The following RIN2 variants were observed in gnomAD, a reference collection of about 807,000 sequenced individuals.
The protein encoded by RIN2 is Ras and Rab interactor 2, also known as RAB5 interacting protein 2.
In RIN2, 36 loss-of-function variants were observed where a neutral mutation model predicts 78.0. That is an observed-to-expected ratio of 0.46 (90% CI 0.35 to 0.61). RIN2 has a LOEUF of 0.61. RIN2 is among the 20% of genes least tolerant of loss of function. The pLI, the probability that RIN2 is intolerant of heterozygous loss-of-function variation, is 0.00. For synonymous variants in RIN2, 466 were observed against 466.8 expected, an observed-to-expected ratio of 1.00 and a Z score of 0.02; for missense variants, 1,087 against 1,159.7, an observed-to-expected ratio of 0.94 and a Z score of 0.91.
intron 6 of RIN2, among the ~76,000 whole-genome samples, chr20:19,962,600 G>A (rs1389855566): frequency 1.3e-5 from 2 of 152,202 alleles, no homozygotes; most frequent in African/African-American, 4.8e-5. Flanking sequence ...CATTAGCCTG[G>A]TCATAACTAG....
intron 2 of RIN2, among the ~76,000 whole-genome samples, chr20:19,850,498 C>T (rs1281951871): frequency 1.3e-5 from 2 of 152,222 alleles, no homozygotes; most frequent in African/African-American, 2.4e-5. Flanking sequence ...GTCTTCTTAC[C>T]TTCTGTTTGT....
intron 3 of RIN2, among the ~76,000 whole-genome samples, chr20:19,892,354 T>G (rs933421946): frequency 1.3e-5 from 2 of 152,124 alleles, no homozygotes; most frequent in Admixed American, 6.5e-5. Context: ...CAGCTGGGAT[T>G]ACAGGTGCCT....
At chr20:19,838,770 T>C (rs2036494053) in intron 2 of RIN2, among the ~76,000 whole-genome samples, 1 of 152,184 alleles carries the variant, frequency 6.6e-6, no homozygotes, top group Non-Finnish European at 1.5e-5. Flanking sequence ...GGCAAGTCTC[T>C]GCACACCTGC....
rs113104578 is a variant in RIN2 at position 19,953,966 on chromosome 20, G to C, written c.159-2649G>C. 6.6e-5 allele frequency among the ~76,000 whole-genome samples: 10 copies of C among 152,340 alleles called. No homozygotes were observed. In the Middle Eastern group the frequency reaches 0.01, roughly 155 times the overall value. On this transcript the variant is annotated intron_variant, in intron 4 of 12. Transcript: ENST00000255006. ...AAATTTGTAGCAGAAGTTGAGCAAA[G>C]CTTTCACATATTTGAGAAGAAATAA...
At chr20:19,949,913 C>T (rs1375532468) in intron 4 of RIN2, among the ~76,000 whole-genome samples, 2 of 152,190 alleles carry the variant, frequency 1.3e-5, no homozygotes, top group South Asian at 2.1e-4. Flanking sequence ...GTAAAACTAA[C>T]CCTTGTCTGC....
At chr20:19,906,625 C>T (rs948982914) in intron 3 of RIN2, among the ~76,000 whole-genome samples, 8 of 152,128 alleles carry the variant, frequency 5.3e-5, no homozygotes, top group African/African-American at 1.4e-4. Context: ...GTGGGGTCTG[C>T]GGCCATCTGG....
chr20:19,814,528 C>T (rs1192118906), intron 2 of RIN2, among the ~76,000 whole-genome samples: 2 of 152,228 alleles, frequency 1.3e-5, no homozygotes, highest in Non-Finnish European at 2.9e-5. Context: ...CACAACATCT[C>T]ACCCCAGATG....
intron 1 of RIN2, among the ~76,000 whole-genome samples, chr20:19,787,854 C>A (rs1260688468): frequency 6.6e-6 from 1 of 152,128 alleles, no homozygotes; most frequent in African/African-American, 2.4e-5. Flanking sequence ...TGCTTACTGG[C>A]AACCATGTTA....
At chr20:19,788,437 A>AAAAAAAAAAAACAAAAACAAC (rs2034764508) in intron 1 of RIN2, among the ~76,000 whole-genome samples, 1 of 147,064 alleles carries the variant, frequency 6.8e-6, no homozygotes, top group African/African-American at 2.6e-5. Context: ...TCTGCCAAAA[A>AAAAAAAAAAAACAAAAACAAC]AAAAAAAAAA....
intron 3 of RIN2, among the ~76,000 whole-genome samples, chr20:19,929,553 GAT>G (rs1568622132): frequency 6.6e-6 from 1 of 152,060 alleles, no homozygotes; most frequent in East Asian, 1.9e-4. Context: ...GTAGAGATGG[GAT>G]TTTATCATGT....
intron 3 of RIN2, among the ~76,000 whole-genome samples, chr20:19,893,043 A>C (rs560158718): frequency 1.3e-5 from 2 of 152,334 alleles, no homozygotes; most frequent in Non-Finnish European, 2.9e-5. Flanking sequence ...ATATTAATCA[A>C]ATAATCACAG....
intron 3 of RIN2, among the ~76,000 whole-genome samples, chr20:19,905,448 C>T (rs150298171): frequency 0.016 from 2,442 of 152,248 alleles, 29 homozygotes; most frequent in Middle Eastern, 0.041. Context: ...TCTGGCTGGG[C>T]GAAGTGGCTC....
At chr20:19,857,099 C>T (rs1479086727) in intron 2 of RIN2, among the ~76,000 whole-genome samples, 1 of 152,144 alleles carries the variant, frequency 6.6e-6, no homozygotes, top group Non-Finnish European at 1.5e-5. Context: ...TTCATTATCC[C>T]GGATGGTTTC....
At chr20:19,794,256 T>C (rs2034979428) in intron 1 of RIN2, among the ~76,000 whole-genome samples, 1 of 152,040 alleles carries the variant, frequency 6.6e-6, no homozygotes, top group Admixed American at 6.5e-5. Flanking sequence ...GTGCAAATCT[T>C]CAAAAAAAGA....
chr20:19,935,307 G>T (rs532012484), intron 4 of RIN2, 108 bp downstream of exon 4: 14 of 1,255,382 alleles, frequency 1.1e-5, no homozygotes, highest in Non-Finnish European at 1.5e-5. Context: ...GGAGCTGGGA[G>T]TGTGGTAGCA....
intron 2 of RIN2, among the ~76,000 whole-genome samples, chr20:19,855,852 G>T (rs1390484292): frequency 6.6e-6 from 1 of 152,142 alleles, no homozygotes; most frequent in African/African-American, 2.4e-5. Flanking sequence ...AAGGCGGGTG[G>T]ATCACAAGGT....
In RIN2 at chr20:20,000,839, C is replaced by G; in HGVS notation, c.2591C>G (p.Pro864Arg). 1.2e-6 allele frequency: 2 copies of G among 1,613,994 alleles called. No individual in the cohort carries two copies. Among genetic ancestry groups the G allele is most frequent in the Non-Finnish European group, 1.7e-6 (2 of 1,179,886 alleles). The change falls in exon 13 of 13, where the codon CCA (proline) becomes CGA (arginine). Residue 864 changes from proline (P) to arginine (R), a missense_variant. Pro to Arg is a moderately radical substitution (Grantham distance 103, BLOSUM62 -2). This residue lies in a region of RIN2 where 160 missense variants were observed against 179.4 expected (regional missense o/e 0.89). Coordinates refer to ENST00000255006, the MANE Select transcript of RIN2 (RefSeq NM_018993.4). ...QKIKAELHSR[P>R]QPHIFHFVYK... ...ATCAAGGCGGAGCTGCACAGCCGAC[C>G]ACAGCCCCACATCTTCCACTTTGTC...
At chr20:19,914,224 A>ATT (rs2039590042) in intron 3 of RIN2, among the ~76,000 whole-genome samples, 1 of 152,066 alleles carries the variant, frequency 6.6e-6, no homozygotes, top group African/African-American at 2.4e-5. Flanking sequence ...TGTCTGTCTC[A>ATT]TTTTTTCAGT....
chr20:19,955,599 A>G (rs1481885053), intron 4 of RIN2, among the ~76,000 whole-genome samples: 1 of 152,088 alleles, frequency 6.6e-6, no homozygotes, highest in Non-Finnish European at 1.5e-5. Context: ...AACCTCCCAA[A>G]GTGCTGGGAT....
Sources: allele counts gnomAD v4.1 joint callset (sites outside exome capture counted in the v4.1 genomes callset), GRCh38; gene constraint gnomAD v4.1.1; regional missense constraint gnomAD v4.1.1; transcripts MANE v1.5; gene names NCBI Gene and HGNC (gene_info 2026-07-23, HGNC 2026-07-21).